METTL15: variants seen among roughly 807,000 people sequenced by gnomAD.
METTL15 encodes methyltransferase 15, mitochondrial 12S rRNA N4-cytidine.
Under a neutral mutation model 38.3 loss-of-function variants are expected in METTL15, and 34 were observed. That is an observed-to-expected ratio of 0.89 (90% CI 0.68 to 1.18). METTL15 has a LOEUF of 1.18. Among genes scored for constraint, METTL15 ranks in the 50% most tolerant of loss-of-function variants. The pLI, the probability that METTL15 is intolerant of heterozygous loss-of-function variation, is 0.00. For synonymous variants in METTL15, 162 were observed against 170.9 expected (o/e 0.95, Z 0.41); for missense variants, 438 against 498.4 (o/e 0.88, Z 1.15).
chr11:28,191,750 A>T (rs553742040), intron 3 of METTL15, among the ~76,000 whole-genome samples: 1 of 151,738 alleles, frequency 6.6e-6, no homozygotes, highest in Non-Finnish European at 1.5e-5. Flanking sequence ...GGCAAAGTTG[A>T]TTTATTTTTA....
intron 4 of METTL15, among the ~76,000 whole-genome samples, chr11:28,272,490 C>G (rs991915937): frequency 2.0e-5 from 3 of 152,096 alleles, no homozygotes; most frequent in African/African-American, 7.2e-5. Context: ...ATGCCACATG[C>G]TCTCACTCAT....
At chr11:28,297,552 A>G (rs1856785446) in intron 6 of METTL15, among the ~76,000 whole-genome samples, 1 of 152,090 alleles carries the variant, frequency 6.6e-6, no homozygotes, top group Non-Finnish European at 1.5e-5. Flanking sequence ...TTCGCTATTC[A>G]CCACCATAAA....
At chr11:28,401,897 T>C (rs764511465) in intron 5 of METTL15, among the ~76,000 whole-genome samples, 6 of 152,034 alleles carry the variant, frequency 3.9e-5, no homozygotes, top group African/African-American at 7.2e-5. Context: ...AATATTATAA[T>C]GTTAAGCTAC....
At chr11:28,302,888 CCTT>C (rs1198344753) in intron 6 of METTL15, among the ~76,000 whole-genome samples, 1 of 152,016 alleles carries the variant, frequency 6.6e-6, no homozygotes, top group Non-Finnish European at 1.5e-5. Flanking sequence ...AATTAAAAAT[CCTT>C]CATTATGATG....
chr11:28,251,456 G>GCTAGGT (rs1338971959), intron 4 of METTL15, among the ~76,000 whole-genome samples: 3 of 151,848 alleles, frequency 2.0e-5, no homozygotes, highest in African/African-American at 7.3e-5. Context: ...TTTATATTTG[G>GCTAGGT]CTAGGTCATC....
intron 5 of METTL15, among the ~76,000 whole-genome samples, chr11:28,416,375 T>C (rs996166797): frequency 2.6e-5 from 4 of 152,230 alleles, no homozygotes; most frequent in Admixed American, 6.5e-5. Context: ...ACACAGACCC[T>C]GGAAGCAAGC....
At chr11:28,513,018 AAG>A (rs1267275940) in intron 6 of METTL15, among the ~76,000 whole-genome samples, 2 of 152,216 alleles carry the variant, frequency 1.3e-5, no homozygotes, top group Non-Finnish European at 2.9e-5. Context: ...GCAGAGGAGA[AAG>A]AAAATTTGCA....
chr11:28,457,064 T>C lies in METTL15; in HGVS notation c.*424+32700T>C, dbSNP rs1015480710. On this transcript the variant is annotated intron_variant and NMD_transcript_variant, in intron 6 of 7. Coordinates refer to the METTL15 transcript ENST00000532947. ...ATTGAATTTGGGTTGATTTATTATA[T>C]AGCAATAAATACCTGGAACACTAGA... Among the ~76,000 whole-genome samples, 59 of 152,214 alleles carry C rather than the reference T, an allele frequency of 3.9e-4. 1 individual carries two copies. Among genetic ancestry groups the C allele is most frequent in the Admixed American group, 3.9e-3 (59 of 15,288 alleles).
chr11:28,250,384 T>C (rs1288507805), intron 4 of METTL15, among the ~76,000 whole-genome samples: 1 of 152,040 alleles, frequency 6.6e-6, no homozygotes, highest in Non-Finnish European at 1.5e-5. Context: ...TACTAGCATC[T>C]GCTATTTTTG....
chr11:28,446,775 A>G (rs2133444409), intron 6 of METTL15, among the ~76,000 whole-genome samples: 1 of 152,166 alleles, frequency 6.6e-6, no homozygotes, highest in South Asian at 2.1e-4. Flanking sequence ...CAAATTCAAA[A>G]ATTATAGATG....
At chr11:28,258,749 G>A (rs983963837) in intron 4 of METTL15, among the ~76,000 whole-genome samples, 2 of 152,074 alleles carry the variant, frequency 1.3e-5, no homozygotes, top group East Asian at 3.9e-4. Flanking sequence ...ATGCTGCCTG[G>A]CTTAGGACTC....
At chr11:28,195,857 T>G (rs1342716983) in intron 3 of METTL15, among the ~76,000 whole-genome samples, 2 of 152,162 alleles carry the variant, frequency 1.3e-5, no homozygotes, top group African/African-American at 2.4e-5. Flanking sequence ...TAGATTTAAG[T>G]CTTCAGTCTG....
intron 5 of METTL15, among the ~76,000 whole-genome samples, chr11:28,407,231 C>A (rs1850681698): frequency 6.6e-6 from 1 of 152,144 alleles, no homozygotes; most frequent in Non-Finnish European, 1.5e-5. Context: ...AAAATCTAGG[C>A]AATACCATGC....
intron 6 of METTL15, among the ~76,000 whole-genome samples, chr11:28,323,533 G>T (rs974100186): frequency 6.6e-6 from 1 of 152,152 alleles, no homozygotes; most frequent in Admixed American, 6.5e-5. Context: ...GGGCTATGAA[G>T]GTAGATCTTC....
At chr11:28,385,541 A>T (rs1394624710) in intron 5 of METTL15, among the ~76,000 whole-genome samples, 3 of 152,038 alleles carry the variant, frequency 2.0e-5, no homozygotes, top group Non-Finnish European at 4.4e-5. Flanking sequence ...TTTGGTTACT[A>T]TAGCCTTGTA....
chr11:28,346,783 G>A (rs1408210374), intron 3 of METTL15, among the ~76,000 whole-genome samples: 1 of 152,120 alleles, frequency 6.6e-6, no homozygotes, highest in Non-Finnish European at 1.5e-5. Context: ...ACCAGCATGT[G>A]TTTCGTGTAC....
chr11:28,294,976 T>C (rs553461768), intron 5 of METTL15, among the ~76,000 whole-genome samples: 4 of 152,166 alleles, frequency 2.6e-5, no homozygotes, highest in Non-Finnish European at 5.9e-5. Flanking sequence ...TTGGTAAAGC[T>C]GGACTGTATC....
intron 4 of METTL15, among the ~76,000 whole-genome samples, chr11:28,226,476 A>G (rs1853482778): frequency 6.6e-6 from 1 of 151,988 alleles, no homozygotes. Flanking sequence ...ATGATATAAT[A>G]TATTCTGAAC....
intron 3 of METTL15, among the ~76,000 whole-genome samples, chr11:28,349,967 G>A (rs551178594): frequency 3.9e-5 from 6 of 152,208 alleles, no homozygotes; most frequent in Non-Finnish European, 7.3e-5. Flanking sequence ...TTTCATGGAT[G>A]TCTTGCAGAG....
Sources: gnomAD v4.1 joint callset for allele counts (sites outside exome capture counted in the v4.1 genomes callset) on GRCh38, gnomAD v4.1.1 for gene constraint, MANE v1.5 for transcripts, NCBI Gene and HGNC (gene_info 2026-07-23, HGNC 2026-07-21) for gene names.